The following RAB38 variants were observed in gnomAD, a reference collection of about 807,000 sequenced individuals.
The protein encoded by RAB38 is RAB38, member RAS oncogene family.
Under a neutral mutation model 18.4 loss-of-function variants are expected in RAB38, and 15 were observed. The ratio of observed to expected loss-of-function variants is 0.82; its 90% CI spans 0.55 to 1.26. RAB38 has a LOEUF of 1.26. RAB38 is among the 50% of genes most tolerant of loss of function. The probability of loss-of-function intolerance (pLI) is 0.00; values close to 1 mark genes in which losing one functional copy is unlikely to be tolerated. For missense variants in RAB38, 294 were observed against 267.4 expected, an observed-to-expected ratio of 1.10 and a Z score of -0.69; for synonymous variants, 101 against 104.4, an observed-to-expected ratio of 0.97 and a Z score of 0.20.
chr11:87,965,025 T>C, the RAB38 span, among the ~76,000 whole-genome samples: 1 of 152,164 alleles, frequency 6.6e-6, no homozygotes, highest in Non-Finnish European at 1.5e-5. Flanking sequence ...AGCCAGATAA[T>C]TCTTTGTTAT....
At chr11:87,864,393 A>G in the RAB38 span, among the ~76,000 whole-genome samples, 1 of 151,098 alleles carries the variant, frequency 6.6e-6, no homozygotes, top group Admixed American at 6.6e-5. Flanking sequence ...TACTCAATAC[A>G]TGTACATTAT....
chr11:87,977,343 T>A, the RAB38 span, among the ~76,000 whole-genome samples: 1 of 112,510 alleles, frequency 8.9e-6, no homozygotes, highest in African/African-American at 3.6e-5. Flanking sequence ...TATTATAAAA[T>A]TATATATTAT....
chr11:88,166,971 A>G (rs1210327845), intron 1 of RAB38: 1 of 152,172 alleles, frequency 6.6e-6, no homozygotes, highest in African/African-American at 2.4e-5. Flanking sequence ...AACAAATACT[A>G]CTTGAGTTCC....
chr11:87,908,994 T>C, the RAB38 span, among the ~76,000 whole-genome samples: 1 of 152,026 alleles, frequency 6.6e-6, no homozygotes, highest in Non-Finnish European at 1.5e-5. Context: ...TTTAATATTA[T>C]TGAAGCAGAG....
the RAB38 span, among the ~76,000 whole-genome samples, chr11:88,040,150 A>G: frequency 5.3e-5 from 8 of 152,342 alleles, no homozygotes; most frequent in Middle Eastern, 3.4e-3. Flanking sequence ...TTGGGCTGCC[A>G]TAACAAAGTG....
At chr11:88,029,944 C>T in the RAB38 span, among the ~76,000 whole-genome samples, 3 of 152,088 alleles carry the variant, frequency 2.0e-5, no homozygotes, top group Non-Finnish European at 2.9e-5. Context: ...CAGCACCACA[C>T]CACACCTATT....
intron 2 of RAB38, among the ~76,000 whole-genome samples, chr11:88,124,006 T>C (rs1487108749): frequency 6.6e-6 from 1 of 152,240 alleles, no homozygotes; most frequent in Non-Finnish European, 1.5e-5. Context: ...GTAGAGAGTT[T>C]GAAGCTCTTG....
At chr11:87,964,875 G>A in the RAB38 span, among the ~76,000 whole-genome samples, 3 of 152,108 alleles carry the variant, frequency 2.0e-5, no homozygotes, top group Admixed American at 2.0e-4. Flanking sequence ...AAATTTTCAG[G>A]AGAGTTTCAA....
At chr11:88,047,466 C>T in the RAB38 span, among the ~76,000 whole-genome samples, 1 of 152,190 alleles carries the variant, frequency 6.6e-6, no homozygotes, top group Non-Finnish European at 1.5e-5. Context: ...TACCACTCTG[C>T]CCCACTCCAC....
chr11:88,003,792 ATATATTG>A, the RAB38 span, among the ~76,000 whole-genome samples: 42 of 6,888 alleles, frequency 6.1e-3, 6 homozygotes, highest in African/African-American at 0.01. Flanking sequence ...AATATATATA[ATATATTG>A]TATATATTAT....
chr11:88,172,692 C>T (rs11822787), intron 1 of RAB38, among the ~76,000 whole-genome samples: 63,712 of 151,996 alleles, frequency 0.42, 13,405 homozygotes, highest in Middle Eastern at 0.47. Flanking sequence ...ACCTGGCTGA[C>T]TGGAGTCTGG....
chr11:88,146,206 C>T (rs1261649152), intron 2 of RAB38, among the ~76,000 whole-genome samples: 2 of 152,158 alleles, frequency 1.3e-5, no homozygotes, highest in African/African-American at 4.8e-5. Flanking sequence ...TTTCCCTCAG[C>T]AGTGGGGTCA....
chr11:87,971,259 G>T, the RAB38 span, among the ~76,000 whole-genome samples: 3 of 152,106 alleles, frequency 2.0e-5, no homozygotes, highest in Admixed American at 6.6e-5. Context: ...GGCAGAGAAG[G>T]GGGAGGCAAG....
the RAB38 span, chr11:87,817,569 T>C: frequency 6.6e-6 from 1 of 152,316 alleles, no homozygotes; most frequent in South Asian, 2.1e-4. Context: ...TGGTAGTATG[T>C]CATTTTCTAT....
the RAB38 span, among the ~76,000 whole-genome samples, chr11:87,913,540 G>T: frequency 1.1e-4 from 16 of 152,168 alleles, no homozygotes; most frequent in South Asian, 3.3e-3. Flanking sequence ...ATAGCCTGGC[G>T]CTGGAGTTTG....
At chr11:88,164,256 C>CGGCGGGGGGGGGGGGGGG (rs1318397492) in intron 1 of RAB38, among the ~76,000 whole-genome samples, 3 of 109,116 alleles carry the variant, frequency 2.7e-5, no homozygotes, top group African/African-American at 1.0e-4. Context: ...AAGGTGCTCT[C>CGGCGGGGGGGGGGGGGGG]GGTGGGGGGG....
At chr11:87,864,617 G>C in the RAB38 span, among the ~76,000 whole-genome samples, 1 of 151,554 alleles carries the variant, frequency 6.6e-6, no homozygotes, top group African/African-American at 2.4e-5. Context: ...TAGGTGAGGG[G>C]ACTGAGGCTC....
chr11:87,895,587 TTA>T, the RAB38 span, among the ~76,000 whole-genome samples: 1 of 151,620 alleles, frequency 6.6e-6, no homozygotes, highest in African/African-American at 2.4e-5. Flanking sequence ...TAAGGCAAAT[TTA>T]TAGTTAATTA....
the RAB38 span, among the ~76,000 whole-genome samples, chr11:87,889,528 A>G: frequency 6.6e-6 from 1 of 151,940 alleles, no homozygotes; most frequent in Non-Finnish European, 1.5e-5. Flanking sequence ...AGTAATAATA[A>G]TGATAGTTAT....
Sources: allele counts gnomAD v4.1 joint callset (sites outside exome capture counted in the v4.1 genomes callset), GRCh38; gene constraint gnomAD v4.1.1; transcripts MANE v1.5; gene names NCBI Gene and HGNC (gene_info 2026-07-23, HGNC 2026-07-21).